Variants in CNNM1 observed in about 807,000 individuals in gnomAD.
CNNM1 encodes the protein metal transporter CNNM1.
In CNNM1, 44 loss-of-function variants were observed where a neutral mutation model predicts 78.8. The ratio of observed to expected loss-of-function variants is 0.56; its 90% CI spans 0.44 to 0.72. CNNM1 has a LOEUF of 0.72. CNNM1 is among the 30% of genes least tolerant of loss of function. The probability of loss-of-function intolerance (pLI) is 0.00; values close to 1 mark genes in which losing one functional copy is unlikely to be tolerated. For missense variants in CNNM1, 1,101 were observed against 1,292.2 expected, an observed-to-expected ratio of 0.85 and a Z score of 2.27; for synonymous variants, 584 against 581.5, an observed-to-expected ratio of 1.00 and a Z score of -0.06.
chr10:99,361,265 G>A (rs1400914832), intron 3 of CNNM1, among the ~76,000 whole-genome samples: 1 of 152,164 alleles, frequency 6.6e-6, no homozygotes, highest in Non-Finnish European at 1.5e-5. Flanking sequence ...TCACTTCCTC[G>A]CTGAAGCCCG....
chr10:99,356,526 A>G (rs4917858), intron 1 of CNNM1, among the ~76,000 whole-genome samples: 1 of 98,382 alleles, frequency 1.0e-5, no homozygotes, highest in African/African-American at 4.1e-5. Context: ...GAAAGAGAGA[A>G]AGAAAGAAAG....
At chr10:99,372,715 A>G (rs894843999) in intron 6 of CNNM1, among the ~76,000 whole-genome samples, 2 of 152,124 alleles carry the variant, frequency 1.3e-5, no homozygotes, top group African/African-American at 2.4e-5. Context: ...CTGAGTGTAT[A>G]TGCATAATTA....
chr10:99,334,992 C>T (rs2030107962), intron 1 of CNNM1, among the ~76,000 whole-genome samples: 1 of 152,202 alleles, frequency 6.6e-6, no homozygotes, highest in Non-Finnish European at 1.5e-5. Context: ...ATGTGAACTA[C>T]ATCTGTAGGA....
chr10:99,367,249 C>T (rs972177375), intron 6 of CNNM1, among the ~76,000 whole-genome samples: 2 of 152,064 alleles, frequency 1.3e-5, no homozygotes, highest in Non-Finnish European at 1.5e-5. Context: ...GGGTCTTGGC[C>T]CAGCCCCGTC....
At chr10:99,385,886 A>G (rs1370552634) in intron 7 of CNNM1, among the ~76,000 whole-genome samples, 1 of 152,210 alleles carries the variant, frequency 6.6e-6, no homozygotes, top group Non-Finnish European at 1.5e-5. Flanking sequence ...CTAAATAACT[A>G]AAGAACCCAA....
At chr10:99,387,095 C>T (rs1302245105) in intron 7 of CNNM1, among the ~76,000 whole-genome samples, 3 of 152,212 alleles carry the variant, frequency 2.0e-5, no homozygotes, top group African/African-American at 7.2e-5. Context: ...ACCCAGAGAA[C>T]AGGGGTGACA....
intron 1 of CNNM1, among the ~76,000 whole-genome samples, chr10:99,335,321 A>G (rs57911204): frequency 0.041 from 6,227 of 152,232 alleles, 269 homozygotes; most frequent in East Asian, 0.16. Context: ...GAAGAGGAAA[A>G]TGGTCTTTCA....
chr10:99,388,707 C>T (rs2032381505), intron 9 of CNNM1, among the ~76,000 whole-genome samples: 2 of 152,092 alleles, frequency 1.3e-5, no homozygotes, highest in African/African-American at 4.8e-5. Flanking sequence ...AATGAGATAA[C>T]ATACATAAAA....
intron 1 of CNNM1, among the ~76,000 whole-genome samples, chr10:99,355,222 CAA>C (rs957533392): frequency 1.5e-5 from 2 of 135,956 alleles, no homozygotes; most frequent in African/African-American, 5.6e-5. Flanking sequence ...GGGAATTGAA[CAA>C]TGAGAACACA....
At chr10:99,383,776 G>A (rs1589922435) in intron 7 of CNNM1, among the ~76,000 whole-genome samples, 1 of 152,260 alleles carries the variant, frequency 6.6e-6, no homozygotes, top group South Asian at 2.1e-4. Flanking sequence ...TGTTGGCCCT[G>A]CGAGGCCAGG....
intron 1 of CNNM1, among the ~76,000 whole-genome samples, chr10:99,354,103 C>T (rs1014109003): frequency 1.3e-5 from 2 of 152,134 alleles, no homozygotes; most frequent in Non-Finnish European, 2.9e-5. Flanking sequence ...TTTAAGAAAT[C>T]ACTTTTCCAA....
At chr10:99,364,169 G>A (rs963083965) in intron 4 of CNNM1, among the ~76,000 whole-genome samples, 3 of 152,142 alleles carry the variant, frequency 2.0e-5, no homozygotes, top group Non-Finnish European at 4.4e-5. Flanking sequence ...AGTATGCAAG[G>A]ACAGCTTGGT....
At chr10:99,372,582 T>C (rs187357791) in intron 6 of CNNM1, among the ~76,000 whole-genome samples, 5 of 152,342 alleles carry the variant, frequency 3.3e-5, no homozygotes, top group Admixed American at 2.0e-4. Flanking sequence ...TCTGTGCTCT[T>C]AGGATATGCC....
chr10:99,362,694 C>T (rs1023772498), intron 4 of CNNM1, among the ~76,000 whole-genome samples: 5 of 152,158 alleles, frequency 3.3e-5, no homozygotes, highest in African/African-American at 7.2e-5. Flanking sequence ...TGCTGCTCTG[C>T]GGAAGCTATA....
chr10:99,360,679 C>T (rs2031398295), intron 2 of CNNM1, among the ~76,000 whole-genome samples, 156 bp from the exon 3 acceptor site: 1 of 152,092 alleles, frequency 6.6e-6, no homozygotes, highest in Non-Finnish European at 1.5e-5. Flanking sequence ...ATTGTCTATC[C>T]CTCACCAACA....
At position 99,341,344 on chromosome 10, in the gene CNNM1, C is replaced by T. The variant is rs2862601; in HGVS notation, c.1573+10384C>T. Among the ~76,000 whole-genome samples the T allele has an allele frequency of 8.1e-3, 1,230 of 152,182 alleles. 11 individuals are homozygous for T. The highest frequency in any genetic ancestry group is 0.011 in the Non-Finnish European group (776 of 67,988). ...GTTTTCCCCCAGTGACTCTCAACAT[C>T]GTCTGGGCAGGTCAGTTCAGTAGCA... On this transcript the variant is annotated intron_variant, in intron 1 of 10. Transcript: ENST00000356713.
chr10:99,372,725 A>G (rs2031842248), intron 6 of CNNM1, among the ~76,000 whole-genome samples: 1 of 152,128 alleles, frequency 6.6e-6, no homozygotes, highest in South Asian at 2.1e-4. Context: ...ATGCATAATT[A>G]CCAAAATGCC....
intron 6 of CNNM1, among the ~76,000 whole-genome samples, chr10:99,365,893 C>T (rs2031601034): frequency 6.6e-6 from 1 of 152,142 alleles, no homozygotes; most frequent in Non-Finnish European, 1.5e-5. Flanking sequence ...AAGGTAGATA[C>T]CATTTTAACA....
chr10:99,345,895 A>G (rs1223818478), intron 1 of CNNM1, among the ~76,000 whole-genome samples: 1 of 152,012 alleles, frequency 6.6e-6, no homozygotes, highest in East Asian at 1.9e-4. Context: ...GGGTCTTACC[A>G]TGTTGCCCAG....
Sources: allele counts gnomAD v4.1 joint callset (sites outside exome capture counted in the v4.1 genomes callset), GRCh38; gene constraint gnomAD v4.1.1; transcripts MANE v1.5; gene names NCBI Gene and HGNC (gene_info 2026-07-23, HGNC 2026-07-21).